The following PLCB1 variants were observed in gnomAD, a reference collection of about 807,000 sequenced individuals.
PLCB1 encodes the protein phospholipase C beta 1.
Under a neutral mutation model 161.8 loss-of-function variants are expected in PLCB1, and 46 were observed. That is an observed-to-expected ratio of 0.28 (90% CI 0.22 to 0.36). The LOEUF is 0.36. Among genes scored for constraint, PLCB1 ranks in the 10% least tolerant of loss-of-function variants. The probability of loss-of-function intolerance (pLI) is 1.00; values close to 1 mark genes in which losing one functional copy is unlikely to be tolerated. For missense variants in PLCB1, 1,016 were observed against 1,472.5 expected, an observed-to-expected ratio of 0.69 and a Z score of 5.07; for synonymous variants, 517 against 503.7, an observed-to-expected ratio of 1.03 and a Z score of -0.35.
chr20:8,173,953 G>C (rs975472653), intron 2 of PLCB1, among the ~76,000 whole-genome samples: 1 of 152,124 alleles, frequency 6.6e-6, no homozygotes, highest in Non-Finnish European at 1.5e-5. Context: ...CTGAACAACA[G>C]AAGAGATAAA....
chr20:8,210,991 A>G (rs1978794891), intron 2 of PLCB1, among the ~76,000 whole-genome samples: 1 of 152,120 alleles, frequency 6.6e-6, no homozygotes, highest in Non-Finnish European at 1.5e-5. Flanking sequence ...TCTCAATAGC[A>G]GGGATAAAGA....
At chr20:8,243,723 G>A (rs1980731127) in intron 2 of PLCB1, among the ~76,000 whole-genome samples, 1 of 151,936 alleles carries the variant, frequency 6.6e-6, no homozygotes, top group Non-Finnish European at 1.5e-5. Context: ...TGGAATCAGA[G>A]ATCAAGAATA....
At chr20:8,427,297 A>G (rs1979827294) in intron 3 of PLCB1, among the ~76,000 whole-genome samples, 1 of 152,218 alleles carries the variant, frequency 6.6e-6, no homozygotes, top group African/African-American at 2.4e-5. Context: ...AGACTGATGG[A>G]CAGTCCTGTT....
chr20:8,306,759 A>G (rs949101451), intron 2 of PLCB1, among the ~76,000 whole-genome samples: 1 of 152,234 alleles, frequency 6.6e-6, no homozygotes, highest in Non-Finnish European at 1.5e-5. Context: ...GTACGTGAAC[A>G]GTTTAAGGAA....
rs181879208 is a variant in PLCB1, at chr20:8,196,751, G to A, written c.177+46380G>A. Among the ~76,000 whole-genome samples, 316 of 151,982 alleles carry A rather than the reference G, an allele frequency of 2.1e-3. 3 individuals carry two copies. Among genetic ancestry groups the A allele is most frequent in the Middle Eastern group, 0.017 (5 of 292 alleles). ...TGTTACATACGTATACATGTGCCAT[G>A]TTGGTGTGCTGCACCCATTAACTTT... is the stretch of plus-strand genomic sequence containing the variant. On this transcript the variant is annotated intron_variant, in intron 2 of 31. Coordinates refer to ENST00000338037, the MANE Select transcript of PLCB1 (RefSeq NM_015192.4).
At chr20:8,869,318 A>G (rs1045180458) in intron 31 of PLCB1, among the ~76,000 whole-genome samples, 1 of 152,194 alleles carries the variant, frequency 6.6e-6, no homozygotes, top group African/African-American at 2.4e-5. Context: ...TGAGTCTTCC[A>G]AAAGAAAACA....
At chr20:8,426,585 A>T (rs1979784374) in intron 3 of PLCB1, among the ~76,000 whole-genome samples, 1 of 152,210 alleles carries the variant, frequency 6.6e-6, no homozygotes, top group Non-Finnish European at 1.5e-5. Flanking sequence ...AGCAGCAGAT[A>T]TGTAGGATGA....
intron 12 of PLCB1, among the ~76,000 whole-genome samples, chr20:8,709,031 A>C (rs1375288515): frequency 6.6e-6 from 1 of 152,184 alleles, no homozygotes; most frequent in African/African-American, 2.4e-5. Flanking sequence ...TTTTCTACAC[A>C]ATACATGTCT....
chr20:8,541,609 G>GAAAGAAAGAAAGAAAGAAAGAAAGAAAGA (rs1192850084), intron 3 of PLCB1, among the ~76,000 whole-genome samples: 2 of 57,766 alleles, frequency 3.5e-5, no homozygotes, highest in African/African-American at 1.7e-4. Context: ...AGAAAGAAAG[G>GAAAGAAAGAAAGAAAGAAAGAAAGAAAGA]AAGGAAGATA....
intron 31 of PLCB1, among the ~76,000 whole-genome samples, chr20:8,828,359 C>T (rs969840114): frequency 1.3e-5 from 2 of 151,202 alleles, no homozygotes; most frequent in Non-Finnish European, 2.9e-5. Flanking sequence ...CAATATGAAA[C>T]AAGGAAATTC....
At chr20:8,203,545 A>C (rs1037548376) in intron 2 of PLCB1, among the ~76,000 whole-genome samples, 2 of 151,968 alleles carry the variant, frequency 1.3e-5, no homozygotes, top group Non-Finnish European at 2.9e-5. Context: ...AGAGAAGTAC[A>C]TGTCACCAGG....
Position 8,325,233 on chromosome 20 carries a change from G to T in PLCB1, c.178-46149G>T, listed in dbSNP as rs532486134. Among the ~76,000 whole-genome samples the T allele has an allele frequency of 4.6e-5, 7 of 152,256 alleles. No individual in the cohort carries two copies. The South Asian group carries it at 1.5e-3, about 32-fold the overall frequency. On this transcript the variant is annotated intron_variant, in intron 2 of 31. Transcript: ENST00000338037. ...GCACATTCTGAAAAACAGTGTTTTAGATTTCAAGTTCCAGGTCTTCCAGAA... is the reference window on the plus strand; with the variant it reads ...GCACATTCTGAAAAACAGTGTTTTATATTTCAAGTTCCAGGTCTTCCAGAA...
intron 3 of PLCB1, among the ~76,000 whole-genome samples, chr20:8,575,228 A>G (rs1157665905): frequency 6.6e-6 from 1 of 152,252 alleles, no homozygotes; most frequent in Non-Finnish European, 1.5e-5. Context: ...ATATTTAGAC[A>G]GAGAGAAAGA....
At chr20:8,265,658 A>G (rs1286466940) in intron 2 of PLCB1, among the ~76,000 whole-genome samples, 3 of 152,148 alleles carry the variant, frequency 2.0e-5, no homozygotes, top group African/African-American at 7.2e-5. Context: ...AGTAATTTCT[A>G]ATTTCCAGAA....
chr20:8,716,178 C>T (rs2123465406), intron 12 of PLCB1, 86 bp from the exon 13 acceptor site: 1 of 923,432 alleles, frequency 1.1e-6, no homozygotes, highest in Non-Finnish European at 1.8e-6. Context: ...TTACTTCTTT[C>T]TGTAGTTAAT....
At chr20:8,185,493 T>C (rs1220900924) in intron 2 of PLCB1, among the ~76,000 whole-genome samples, 2 of 151,986 alleles carry the variant, frequency 1.3e-5, no homozygotes, top group African/African-American at 4.8e-5. Context: ...TTCTAAGGTA[T>C]GTTGATCGGT....
intron 2 of PLCB1, among the ~76,000 whole-genome samples, chr20:8,180,341 T>C (rs1467091608): frequency 6.6e-6 from 1 of 152,224 alleles, no homozygotes; most frequent in Non-Finnish European, 1.5e-5. Context: ...GATGTACTAC[T>C]GAATTCAGTT....
At chr20:8,558,869 A>C (rs1279196795) in intron 3 of PLCB1, among the ~76,000 whole-genome samples, 1 of 151,954 alleles carries the variant, frequency 6.6e-6, no homozygotes, top group African/African-American at 2.4e-5. Flanking sequence ...AATTTAAGAA[A>C]AAAGTAAAAT....
intron 31 of PLCB1, among the ~76,000 whole-genome samples, chr20:8,829,344 AGT>A (rs1487777531): frequency 2.6e-5 from 4 of 152,250 alleles, no homozygotes; most frequent in African/African-American, 9.6e-5. Flanking sequence ...CCATCTCCTC[AGT>A]GTGTGCCCGC....
Sources: allele counts gnomAD v4.1 joint callset (sites outside exome capture counted in the v4.1 genomes callset), GRCh38; gene constraint gnomAD v4.1.1; transcripts MANE v1.5; gene names NCBI Gene and HGNC (gene_info 2026-07-23, HGNC 2026-07-21).